Variants in RBFOX1 observed in about 807,000 individuals in gnomAD.
The protein encoded by RBFOX1 is RNA binding fox-1 homolog 1, also known as RNA binding protein fox-1 homolog 1.
In RBFOX1, 8 loss-of-function variants were observed where a neutral mutation model predicts 57.7. The ratio of observed to expected loss-of-function variants is 0.14; its 90% CI spans 0.08 to 0.25. The LOEUF (loss-of-function observed/expected upper bound fraction) is 0.25, where lower values mean the gene tolerates loss of function less well. Ranked by LOEUF, RBFOX1 falls within the 10% of genes least tolerant of loss-of-function variation. The pLI is 1.00. For missense variants in RBFOX1, 611 were observed against 548.5 expected (o/e 1.11, Z -1.14); for synonymous variants, 326 against 222.4 (o/e 1.47, Z -4.15).
chr16:7,042,359 A>G (rs577715036), intron 3 of RBFOX1, among the ~76,000 whole-genome samples: 3 of 152,306 alleles, frequency 2.0e-5, no homozygotes, highest in East Asian at 1.9e-4. Flanking sequence ...ATGGTGATTC[A>G]GAGAGGAAAC....
chr16:6,542,799 C>T (rs1447131005), intron 2 of RBFOX1, among the ~76,000 whole-genome samples: 1 of 151,986 alleles, frequency 6.6e-6, no homozygotes, highest in African/African-American at 2.4e-5. Context: ...GCCGGGACCA[C>T]AGTCTTAAGA....
At chr16:6,970,289 A>G (rs368768428) in intron 3 of RBFOX1, among the ~76,000 whole-genome samples, 2 of 152,214 alleles carry the variant, frequency 1.3e-5, no homozygotes, top group African/African-American at 2.4e-5. Context: ...TGACCCAACA[A>G]CATCATCACC....
At chr16:5,803,171 A>G (rs1319914781) in intron 3 of RBFOX1, among the ~76,000 whole-genome samples, 1 of 152,152 alleles carries the variant, frequency 6.6e-6, no homozygotes, top group Admixed American at 6.5e-5. Context: ...AACAACAGCA[A>G]AATAAAACCT....
intron 2 of RBFOX1, among the ~76,000 whole-genome samples, chr16:6,463,246 C>T (rs905817603): frequency 1.3e-5 from 2 of 152,108 alleles, no homozygotes; most frequent in African/African-American, 4.8e-5. Context: ...AGTCAGATGG[C>T]CTAATGACAA....
chr16:7,341,760 C>A (rs12924298), intron 4 of RBFOX1, among the ~76,000 whole-genome samples: 6 of 104,820 alleles, frequency 5.7e-5, no homozygotes, highest in African/African-American at 2.3e-4. Context: ...CCCTCCTTCC[C>A]TCCTTCCCTC....
intron 3 of RBFOX1, among the ~76,000 whole-genome samples, chr16:5,640,258 C>T (rs898693408): frequency 4.6e-5 from 7 of 152,078 alleles, no homozygotes; most frequent in Admixed American, 6.5e-5. Flanking sequence ...TTTGCAGGAG[C>T]GTTCACTTTA....
chr16:5,596,892 C>T (rs62016889), intron 2 of RBFOX1, among the ~76,000 whole-genome samples: 32,407 of 152,056 alleles, frequency 0.21, 3,587 homozygotes, highest in African/African-American at 0.23. Context: ...TATTTGTTCA[C>T]TTCAATAAGC....
At chr16:6,843,965 C>A (rs141417316) in intron 3 of RBFOX1, among the ~76,000 whole-genome samples, 4 of 152,222 alleles carry the variant, frequency 2.6e-5, no homozygotes, top group Non-Finnish European at 4.4e-5. Context: ...TTGCTTGGAT[C>A]GTAATGTGTA....
chr16:5,974,108 T>A (rs887267), intron 4 of RBFOX1, among the ~76,000 whole-genome samples: 9,360 of 152,300 alleles, frequency 0.061, 651 homozygotes, highest in East Asian at 0.39. Flanking sequence ...CTCAGCCCAG[T>A]GAGAATAGAA....
At chr16:7,098,322 G>A (rs2062041852) in intron 4 of RBFOX1, among the ~76,000 whole-genome samples, 2 of 151,980 alleles carry the variant, frequency 1.3e-5, no homozygotes, top group African/African-American at 2.4e-5. Flanking sequence ...GGTGTGCATC[G>A]CCATGCCTGG....
intron 1 of RBFOX1, among the ~76,000 whole-genome samples, chr16:6,061,575 G>A (rs1315096638): frequency 2.0e-5 from 3 of 151,158 alleles, no homozygotes; most frequent in African/African-American, 4.9e-5. Context: ...ATACACTATA[G>A]TATATGTGCT....
chr16:7,052,181 G>T, intron 4 of RBFOX1, 83 bp downstream of exon 4: 1 of 1,531,030 alleles, frequency 6.5e-7, no homozygotes, highest in South Asian at 1.3e-5. Flanking sequence ...CCCAAGACAC[G>T]GGTTCTAAAT....
chr16:7,172,900 C>A (rs1377513048), intron 4 of RBFOX1, among the ~76,000 whole-genome samples: 3 of 152,118 alleles, frequency 2.0e-5, no homozygotes, highest in African/African-American at 7.2e-5. Flanking sequence ...CCATGAGATT[C>A]CCAAGGAAGA....
intron 4 of RBFOX1, among the ~76,000 whole-genome samples, chr16:7,369,763 G>A (rs2097534222): frequency 6.6e-6 from 1 of 152,106 alleles, no homozygotes; most frequent in African/African-American, 2.4e-5. Flanking sequence ...TTTGTAATGT[G>A]ATTGAAAAAT....
chr16:6,908,136 A>G (rs2070560120), intron 3 of RBFOX1, among the ~76,000 whole-genome samples: 1 of 151,712 alleles, frequency 6.6e-6, no homozygotes, highest in Admixed American at 6.6e-5. Context: ...TTTGGAGGGA[A>G]ACAATTCAGC....
intron 4 of RBFOX1, among the ~76,000 whole-genome samples, chr16:7,087,416 A>T (rs554327926): frequency 1.4e-4 from 22 of 152,232 alleles, no homozygotes; most frequent in African/African-American, 5.3e-4. Flanking sequence ...TGCTAGTATC[A>T]TCAGTTTTTG....
chr16:5,769,277 G>A (rs1257162276), intron 3 of RBFOX1, among the ~76,000 whole-genome samples: 2 of 151,960 alleles, frequency 1.3e-5, no homozygotes, highest in Non-Finnish European at 2.9e-5. Flanking sequence ...GGGTGTTTAT[G>A]GAGCTAATCA....
At chr16:6,597,082 C>A (rs2097783432) in intron 2 of RBFOX1, among the ~76,000 whole-genome samples, 1 of 152,112 alleles carries the variant, frequency 6.6e-6, no homozygotes, top group Non-Finnish European at 1.5e-5. Context: ...CTGACTGCAG[C>A]TAGAATTGCT....
At chr16:5,459,828 G>T (rs1186238148) in intron 1 of RBFOX1, among the ~76,000 whole-genome samples, 5 of 152,076 alleles carry the variant, frequency 3.3e-5, no homozygotes, top group African/African-American at 4.8e-5. Context: ...ACACTGAGAT[G>T]AAATGTGAGA....
Sources: allele counts gnomAD v4.1 joint callset (sites outside exome capture counted in the v4.1 genomes callset), GRCh38; gene constraint gnomAD v4.1.1; transcripts MANE v1.5; gene names NCBI Gene and HGNC (gene_info 2026-07-23, HGNC 2026-07-21).